The following LCA5 variants were observed in gnomAD, a reference collection of about 807,000 sequenced individuals.
LCA5 encodes the protein lebercilin LCA5, also known as lebercilin.
A neutral mutation model predicts 53.0 loss-of-function variants in LCA5; 37 were observed. The ratio of observed to expected loss-of-function variants is 0.70; its 90% CI spans 0.54 to 0.92. The LOEUF (loss-of-function observed/expected upper bound fraction) is 0.92, where lower values mean the gene tolerates loss of function less well. Among genes scored for constraint, LCA5 ranks in the 40% least tolerant of loss-of-function variants. LCA5 has a pLI of 0.00. For missense variants in LCA5, 806 were observed against 790.5 expected, an observed-to-expected ratio of 1.02 and a Z score of -0.23; for synonymous variants, 303 against 282.9, an observed-to-expected ratio of 1.07 and a Z score of -0.71.
chr6:79,536,205 C>T (rs1188435842), intron 1 of LCA5, among the ~76,000 whole-genome samples: 2 of 151,842 alleles, frequency 1.3e-5, no homozygotes, highest in African/African-American at 2.4e-5. Context: ...AAATGTGGAA[C>T]AACTGGAAAA....
chr6:79,511,665 C>T (rs1770412990), intron 3 of LCA5, among the ~76,000 whole-genome samples: 1 of 152,000 alleles, frequency 6.6e-6, no homozygotes, highest in Non-Finnish European at 1.5e-5. Flanking sequence ...CGACCAATTT[C>T]CTGGTTGTAA....
chr6:79,512,631 T>TAC (rs909473371), intron 3 of LCA5, among the ~76,000 whole-genome samples: 5 of 151,922 alleles, frequency 3.3e-5, no homozygotes, highest in Admixed American at 6.6e-5. Context: ...CATATATATA[T>TAC]AGAAGGTGGC....
Position 79,488,882 on chromosome 6 carries a change from G to C in LCA5, c.1231+202C>G, listed in dbSNP as rs1386480769. On this transcript the variant is annotated intron_variant, in intron 7 of 7. Transcript: ENST00000369846. ...CTAACCCTAAATAGCAAATGACTTA[G>C]AGTGTTCAATTTTTTTCTTTCCTTA... The C allele has an allele frequency of 1.3e-5, 8 of 620,980 alleles. No homozygotes were observed. The East Asian group carries it at 1.4e-4, about 11-fold the overall frequency. The allele number at this position is 620,980 out of a possible 1,614,324, so 38.5% of individuals were successfully genotyped here. A position where few individuals can be genotyped will look rare whatever the true frequency, so the allele number is the denominator to read the frequency against.
Position 79,493,656 on chromosome 6 carries a change from T to C in LCA5, c.815A>G (p.Lys272Arg), listed in dbSNP as rs769837986. Residue 272 changes from lysine (K) to arginine (R), a missense_variant, in exon 4 of 8, where the codon AAA becomes AGA. Transcript: ENST00000369846. Reference protein sequence around the residue: ...KRAYEAHDENKVLQKEVQRLY... With the variant: ...KRAYEAHDENRVLQKEVQRLY... Reference sequence around the variant, plus strand: ...TCGCTGTACCTCCTTTTGAAGAACTTTATTTTCATCATGAGCCTCATATGC... The same window carrying C: ...TCGCTGTACCTCCTTTTGAAGAACTCTATTTTCATCATGAGCCTCATATGC... The C allele has an allele frequency of 4.3e-6, 7 of 1,613,676 alleles. No individual in the cohort carries two copies. The East Asian group carries it at 1.6e-4, about 36-fold the overall frequency.
chr6:79,519,491 T>C (rs980556384), intron 1 of LCA5, among the ~76,000 whole-genome samples: 10 of 152,194 alleles, frequency 6.6e-5, no homozygotes, highest in African/African-American at 2.2e-4. Flanking sequence ...AAATACACTT[T>C]GGGAGGCCGA....
At chr6:79,506,193 A>G (rs1022121200) in intron 3 of LCA5, among the ~76,000 whole-genome samples, 4 of 152,178 alleles carry the variant, frequency 2.6e-5, no homozygotes, top group Non-Finnish European at 5.9e-5. Context: ...ATTTTTAAAA[A>G]AGTCTTAATA....
rs1769639297 is a variant in LCA5 at position 79,485,886 on chromosome 6, A to C, written c.*1118T>G. 6.6e-6 allele frequency: 1 copy of C among 152,166 alleles called. No homozygotes were observed. Among genetic ancestry groups the C allele is most frequent in the African/African-American group, 2.4e-5 (1 of 41,468 alleles). 9.4% of individuals were successfully genotyped at this position (152,166 alleles called of 1,614,324 possible). ...ATCATACCCAGCATGATCCAAGGTC[A>C]TCAACTTCTCTATAAGCTGAAGTGA... On this transcript the variant is annotated 3_prime_UTR_variant, in exon 8 of 8. Coordinates refer to ENST00000369846, the MANE Select transcript of LCA5 (RefSeq NM_001122769.3).
At chr6:79,506,898 T>A (rs1018138752) in intron 3 of LCA5, among the ~76,000 whole-genome samples, 20 of 152,338 alleles carry the variant, frequency 1.3e-4, no homozygotes, top group African/African-American at 4.8e-4. Flanking sequence ...GACCAATGTG[T>A]GATGTAAAAC....
Position 79,518,977 on chromosome 6 carries a change from TCA to T in LCA5, c.-85_-84del, listed in dbSNP as rs1212338552. The T allele has an allele frequency of 7.3e-6, 9 of 1,227,970 alleles. No individual in the cohort carries two copies. The Admixed American group carries it at 8.4e-5, about 11-fold the overall frequency. 76.1% of individuals were successfully genotyped at this position (1,227,970 alleles called of 1,614,324 possible). On this transcript the variant is annotated 5_prime_UTR_variant, in exon 2 of 8. Coordinates refer to ENST00000369846, the MANE Select transcript of LCA5 (RefSeq NM_001122769.3). ...ACTATGACAATACTGAAAAACATTT[TCA>T]CAGTCTTCAGATCCTGATAATATTC...
intron 1 of LCA5, among the ~76,000 whole-genome samples, chr6:79,526,983 G>C (rs888688430): frequency 6.6e-6 from 1 of 152,090 alleles, no homozygotes; most frequent in Non-Finnish European, 1.5e-5. Flanking sequence ...AGGTTAAAAG[G>C]ACTTCTAACT....
At chr6:79,497,956 CAAAAAA>C (rs34167121) in intron 3 of LCA5, among the ~76,000 whole-genome samples, 1 of 92,780 alleles carries the variant, frequency 1.1e-5, no homozygotes. Context: ...GACTCCATCT[CAAAAAA>C]AAAAAAAAAA....
At chr6:79,538,017 AGTTTTTTTTTTTT>A (rs1767206827), upstream of LCA5, among the ~76,000 whole-genome samples, 3 of 50,016 alleles carry the variant, frequency 6.0e-5, no homozygotes, top group East Asian at 4.5e-4. Context: ...TTTGCACACA[AGTTTTTTTTTTTT>A]TTTTTTTTTT....
intron 7 of LCA5, chr6:79,488,411 T>C (rs1009781822): frequency 6.5e-6 from 1 of 153,852 alleles, no homozygotes; most frequent in Non-Finnish European, 1.4e-5. Flanking sequence ...TCTCTATATA[T>C]ATATGTAACA....
At chr6:79,522,680 A>AT (rs1766657516) in intron 1 of LCA5, among the ~76,000 whole-genome samples, 1 of 152,090 alleles carries the variant, frequency 6.6e-6, no homozygotes, top group African/African-American at 2.4e-5. Flanking sequence ...AATCAAGAAA[A>AT]TTTAAACACT....
intron 3 of LCA5, among the ~76,000 whole-genome samples, chr6:79,508,332 C>G (rs994953969): frequency 6.6e-6 from 1 of 152,128 alleles, no homozygotes; most frequent in Admixed American, 6.6e-5. Context: ...CTACTCCGTT[C>G]GTAAATTACT....
intron 5 of LCA5, among the ~76,000 whole-genome samples, chr6:79,491,949 T>TA (rs1490663642): frequency 6.6e-6 from 1 of 152,008 alleles, no homozygotes; most frequent in Non-Finnish European, 1.5e-5. Flanking sequence ...TACTCACTAT[T>TA]ACTATTTTTG....
intron 2 of LCA5, among the ~76,000 whole-genome samples, chr6:79,517,384 T>C (rs1766469223): frequency 6.6e-6 from 1 of 152,026 alleles, no homozygotes; most frequent in Admixed American, 6.6e-5. Context: ...AAGAAAAAAA[T>C]TAAAGTATTC....
At chr6:79,511,285 T>C (rs1770403070) in intron 3 of LCA5, among the ~76,000 whole-genome samples, 1 of 152,140 alleles carries the variant, frequency 6.6e-6, no homozygotes, top group Non-Finnish European at 1.5e-5. Context: ...AGTACATCCA[T>C]ACCATGGAAT....
intron 5 of LCA5, 45 bp from the exon 6 acceptor site, chr6:79,491,775 C>A (rs780843189): frequency 6.5e-7 from 1 of 1,546,106 alleles, no homozygotes; most frequent in South Asian, 1.1e-5. Flanking sequence ...ATGAATAATG[C>A]TAAAATATAT....
Sources: gnomAD v4.1 joint callset for allele counts (sites outside exome capture counted in the v4.1 genomes callset) on GRCh38, gnomAD v4.1.1 for gene constraint, MANE v1.5 for transcripts, NCBI Gene and HGNC (gene_info 2026-07-23, HGNC 2026-07-21) for gene names.